Variants in CNOT7 observed in about 807,000 individuals in gnomAD.
CNOT7 encodes BTG1-binding factor 1.
CNOT7 carries 4 observed loss-of-function variants against 37.1 expected under a neutral mutation model. The observed-to-expected ratio is 0.11, with a 90% CI of 0.05 to 0.25. The LOEUF is 0.25. Ranked by LOEUF, CNOT7 falls within the 10% of genes least tolerant of loss-of-function variation. CNOT7 has a pLI of 1.00. For missense variants in CNOT7, 170 were observed against 336.2 expected (o/e 0.51, Z 3.87); for synonymous variants, 128 against 115.6 (o/e 1.11, Z -0.69).
intron 5 of CNOT7, among the ~76,000 whole-genome samples, chr8:17,232,934 C>G (rs1219042473): frequency 3.3e-5 from 5 of 152,140 alleles, no homozygotes; most frequent in African/African-American, 4.8e-5. Context: ...TTTTCTTAAA[C>G]TTCCCACCAT....
intron 3 of CNOT7, among the ~76,000 whole-genome samples, chr8:17,239,215 G>A (rs980609648): frequency 1.3e-5 from 2 of 152,002 alleles, no homozygotes; most frequent in Admixed American, 6.6e-5. Flanking sequence ...ACCATGCCTG[G>A]CTAATTTTTC....
intron 6 of CNOT7, 103 bp from the exon 7 acceptor site, chr8:17,230,951 A>T: frequency 3.9e-6 from 3 of 776,334 alleles, no homozygotes; most frequent in Non-Finnish European, 6.1e-6. Flanking sequence ...CACTGACAAT[A>T]ATGATGGCTC....
chr8:17,238,130 TAA>T (rs757557843), intron 3 of CNOT7, among the ~76,000 whole-genome samples: 32 of 152,322 alleles, frequency 2.1e-4, no homozygotes, highest in Admixed American at 5.9e-4. Context: ...TCTGAAATAT[TAA>T]AAGTTTCCAA....
In CNOT7 at chr8:17,229,486, A is replaced by T. The variant is rs556135741; in HGVS notation, c.*1234T>A. The T allele has an allele frequency of 6.6e-6, 1 of 152,212 alleles. No homozygotes were observed. Among genetic ancestry groups the T allele is most frequent in the African/African-American group, 2.4e-5 (1 of 41,388 alleles). The allele number at this position is 152,212 out of a possible 1,614,324, so 9.4% of individuals were successfully genotyped here. On this transcript the variant is annotated 3_prime_UTR_variant, in exon 7 of 7. Coordinates refer to ENST00000361272, the MANE Select transcript of CNOT7 (RefSeq NM_013354.7). ...GGGGTAGAGTTAATGATTACCGTAAAGTCTTCCTACACATGCTCTGGTCTG... is the reference window on the plus strand; with the variant it reads ...GGGGTAGAGTTAATGATTACCGTAATGTCTTCCTACACATGCTCTGGTCTG...
chr8:17,234,924 A>T, intron 4 of CNOT7, 64 bp from the exon 5 acceptor site: 1 of 1,439,294 alleles, frequency 6.9e-7, no homozygotes, highest in Non-Finnish European at 9.4e-7. Context: ...TAAAAAAAAA[A>T]GTTTTTCTGA....
intron 1 of CNOT7, chr8:17,246,049 C>G (rs1810984168): frequency 6.6e-6 from 1 of 152,052 alleles, no homozygotes; most frequent in Non-Finnish European, 1.5e-5. Context: ...AGTAGAGAAA[C>G]TAAAGGAGAT....
intron 6 of CNOT7, among the ~76,000 whole-genome samples, chr8:17,231,067 G>GCA (rs1808537000): frequency 1.3e-5 from 2 of 152,008 alleles, no homozygotes; most frequent in African/African-American, 4.8e-5. Context: ...TACAAAAAAA[G>GCA]TGTATAAATG....
intron 5 of CNOT7, among the ~76,000 whole-genome samples, chr8:17,233,417 T>C (rs1458795129): frequency 6.6e-6 from 1 of 152,190 alleles, no homozygotes; most frequent in Non-Finnish European, 1.5e-5. Flanking sequence ...TAGAACTGAA[T>C]AGAACAGCAT....
At position 17,232,256 on chromosome 8, in the gene CNOT7, T is replaced by C. The variant is rs1401551928; in HGVS notation, c.729+171A>G. On this transcript the variant is annotated intron_variant, in intron 6 of 6. Coordinates refer to ENST00000361272, the MANE Select transcript of CNOT7 (RefSeq NM_013354.7). ...CTCCCAGTTCCTTCTGAACTACATT[T>C]CAAGATGACTTATTTTTGAATACTT... is the stretch of plus-strand genomic sequence containing the variant. 6.9e-6 allele frequency: 10 copies of C among 1,454,154 alleles called. No individual in the cohort carries two copies. The East Asian group carries it at 1.3e-4, about 19-fold the overall frequency. 90.1% of individuals were successfully genotyped at this position (1,454,154 alleles called of 1,614,324 possible).
chr8:17,231,621 G>C (rs1364983333), intron 6 of CNOT7: 1 of 985,186 alleles, frequency 1.0e-6, no homozygotes, highest in Non-Finnish European at 1.2e-6. Context: ...CAAATCCACA[G>C]CGAATTTTTC....
At chr8:17,234,647 C>G (rs1563193159) in intron 5 of CNOT7, 69 bp downstream of exon 5, 1 of 1,486,384 alleles carries the variant, frequency 6.7e-7, no homozygotes, top group African/African-American at 1.4e-5. Context: ...ACATCCCAGC[C>G]TAGGCTCGCA....
At chr8:17,234,250 A>T (rs1345628955) in intron 5 of CNOT7, among the ~76,000 whole-genome samples, 1 of 152,192 alleles carries the variant, frequency 6.6e-6, no homozygotes, top group Non-Finnish European at 1.5e-5. Context: ...TAGAACTGAC[A>T]AAATAATTTC....
chr8:17,235,707 A>G (rs1467679061), intron 4 of CNOT7, among the ~76,000 whole-genome samples: 1 of 152,206 alleles, frequency 6.6e-6, no homozygotes, highest in Non-Finnish European at 1.5e-5. Flanking sequence ...CACTAACATT[A>G]AAAGATTATA....
intron 2 of CNOT7, chr8:17,243,616 C>A (rs1381726829): frequency 6.6e-6 from 3 of 457,372 alleles, no homozygotes; most frequent in Admixed American, 2.3e-5. Context: ...TTCTCAACAC[C>A]AAAACCCTAA....
chr8:17,232,584 G>C (rs1404484896), intron 5 of CNOT7, 47 bp from the exon 6 acceptor site: 2 of 1,534,146 alleles, frequency 1.3e-6, no homozygotes, highest in East Asian at 2.3e-5. Context: ...ATCTTACAAG[G>C]CCTAAATTCA....
At chr8:17,243,331 G>T (rs1810444590) in intron 2 of CNOT7, 146 bp from the exon 3 acceptor site, 1 of 672,424 alleles carries the variant, frequency 1.5e-6, no homozygotes, top group Admixed American at 2.9e-5. Flanking sequence ...TAACTAGAAA[G>T]AACATCACTT....
intron 5 of CNOT7, among the ~76,000 whole-genome samples, chr8:17,233,529 G>GT (rs1341197125): frequency 6.6e-6 from 1 of 152,086 alleles, no homozygotes; most frequent in African/African-American, 2.4e-5. Flanking sequence ...AAACTTCCCA[G>GT]TAACAACCAC....
intron 5 of CNOT7, among the ~76,000 whole-genome samples, chr8:17,233,401 C>A (rs1808897566): frequency 6.6e-6 from 1 of 152,176 alleles, no homozygotes; most frequent in African/African-American, 2.4e-5. Context: ...CTTAGGAGAA[C>A]AGAACTAGAA....
intron 4 of CNOT7, among the ~76,000 whole-genome samples, chr8:17,235,483 C>T (rs1441098234): frequency 6.6e-6 from 1 of 152,128 alleles, no homozygotes; most frequent in Non-Finnish European, 1.5e-5. Context: ...GGAAATGCTG[C>T]ACATGGAAGA....
Sources: gnomAD v4.1 joint callset for allele counts (sites outside exome capture counted in the v4.1 genomes callset) on GRCh38, gnomAD v4.1.1 for gene constraint, MANE v1.5 for transcripts, NCBI Gene and HGNC (gene_info 2026-07-23, HGNC 2026-07-21) for gene names.